Variants in MACROD2 observed in about 807,000 individuals in gnomAD.
The protein encoded by MACROD2 is ADP-ribose glycohydrolase MACROD2.
Under a neutral mutation model 70.4 loss-of-function variants are expected in MACROD2, and 36 were observed. That is an observed-to-expected ratio of 0.51 (90% CI 0.39 to 0.68). The LOEUF is 0.68. Among genes scored for constraint, MACROD2 ranks in the 30% least tolerant of loss-of-function variants. MACROD2 has a pLI of 0.00. For missense variants in MACROD2, 496 were observed against 538.4 expected (o/e 0.92, Z 0.78); for synonymous variants, 172 against 178.8 (o/e 0.96, Z 0.30).
intron 6 of MACROD2, among the ~76,000 whole-genome samples, chr20:15,235,926 G>C (rs549367398): frequency 6.6e-6 from 1 of 152,108 alleles, no homozygotes; most frequent in East Asian, 1.9e-4. Context: ...ATCTAGTCTT[G>C]GTTCTCACCT....
At chr20:16,013,637 C>T (rs938678509) in intron 15 of MACROD2, among the ~76,000 whole-genome samples, 2 of 152,138 alleles carry the variant, frequency 1.3e-5, no homozygotes, top group South Asian at 2.1e-4. Flanking sequence ...TCCATGGCCA[C>T]GTTCTTCCAT....
chr20:14,873,018 A>G (rs1568847351), intron 5 of MACROD2, among the ~76,000 whole-genome samples: 1 of 151,714 alleles, frequency 6.6e-6, no homozygotes, highest in Non-Finnish European at 1.5e-5. Flanking sequence ...CCCAAGATTC[A>G]GTTACCTCAA....
intron 5 of MACROD2, among the ~76,000 whole-genome samples, chr20:14,815,032 A>G (rs2072757884): frequency 6.6e-6 from 1 of 152,098 alleles, no homozygotes; most frequent in South Asian, 2.1e-4. Flanking sequence ...TTTTGCAAAC[A>G]AAAGAGAAGA....
At chr20:14,396,691 T>C (rs13038084) in intron 3 of MACROD2, among the ~76,000 whole-genome samples, 24,583 of 151,886 alleles carry the variant, frequency 0.16, 2,643 homozygotes, top group Non-Finnish European at 0.23. Context: ...TTTGGGAGGC[T>C]GAGGAGGGCG....
intron 8 of MACROD2, among the ~76,000 whole-genome samples, chr20:15,723,241 C>T (rs2050814111): frequency 6.6e-6 from 1 of 152,152 alleles, no homozygotes. Context: ...CAACATCTTT[C>T]GTAACACTGA....
chr20:15,081,877 A>C (rs2123136145), intron 5 of MACROD2, among the ~76,000 whole-genome samples: 1 of 152,278 alleles, frequency 6.6e-6, no homozygotes, highest in South Asian at 2.1e-4. Context: ...CTTGGATAGG[A>C]TCTTTGTTTT....
At chr20:16,023,892 C>G (rs1352974406) in intron 15 of MACROD2, among the ~76,000 whole-genome samples, 1 of 152,274 alleles carries the variant, frequency 6.6e-6, no homozygotes, top group East Asian at 1.9e-4. Flanking sequence ...GACCCCTGGG[C>G]TGTCCTCTAC....
chr20:14,229,168 G>C (rs542201011), intron 3 of MACROD2, among the ~76,000 whole-genome samples: 76 of 152,264 alleles, frequency 5.0e-4, no homozygotes, highest in Admixed American at 4.8e-3. Context: ...TTGCTGATGA[G>C]CTTCTTTTAG....
Position 15,741,092 on chromosome 20 carries a change from C to CTTTT in MACROD2, c.646-121638_646-121635dup, listed in dbSNP as rs397865668. Among the ~76,000 whole-genome samples the CTTTT allele has an allele frequency of 5.9e-4, 73 of 123,992 alleles. 3 individuals are homozygous for CTTTT. Among genetic ancestry groups the CTTTT allele is most frequent in the African/African-American group, 2.0e-3 (63 of 32,130 alleles). The allele number at this position is 123,992 out of a possible 152,430, so 81.3% of individuals were successfully genotyped here. On this transcript the variant is annotated intron_variant, in intron 8 of 17. Coordinates refer to ENST00000684519, the MANE Select transcript of MACROD2 (RefSeq NM_001351661.2). ...TCTACAAAACTCTCAGTTATCATAT[C>CTTTT]TTTTTTTTTTTTTTTTTTGAGGTGG...
In MACROD2 at chr20:14,703,397, T is replaced by A. The variant is rs556316534; in HGVS notation, c.418+18438T>A. 1.2e-4 allele frequency among the ~76,000 whole-genome samples: 19 copies of A among 152,284 alleles called. No individual in the cohort carries two copies. In the South Asian group the frequency reaches 4.0e-3, roughly 32 times the overall value. On this transcript the variant is annotated intron_variant, in intron 5 of 17. Transcript: ENST00000684519. The stretch of plus-strand genomic sequence containing the variant: ...CTATAATTATGAGATAATAATAAAT[T>A]ACACTGCTAACAGATAGCCCAAGTC...
At chr20:14,926,697 A>G (rs73092164) in intron 5 of MACROD2, among the ~76,000 whole-genome samples, 1 of 152,286 alleles carries the variant, frequency 6.6e-6, no homozygotes, top group Non-Finnish European at 1.5e-5. Context: ...GAGCCAACCC[A>G]GAGTGTTGAA....
chr20:15,592,037 T>A (rs574353038), intron 8 of MACROD2, among the ~76,000 whole-genome samples: 1 of 152,310 alleles, frequency 6.6e-6, no homozygotes, highest in South Asian at 2.1e-4. Context: ...TCTTCCACCA[T>A]CTCGGTCAAG....
chr20:15,871,406 C>T (rs2064581670), intron 9 of MACROD2, among the ~76,000 whole-genome samples: 1 of 151,960 alleles, frequency 6.6e-6, no homozygotes, highest in Non-Finnish European at 1.5e-5. Context: ...TTATCTCATC[C>T]ATTATCATTC....
Position 15,319,882 on chromosome 20 carries a change from A to G in MACROD2, c.540+89821A>G, listed in dbSNP as rs1261847584. The stretch of plus-strand genomic sequence containing the variant: ...ATAGGTCCCATATTGTATAATCTCA[A>G]TTATATGAAATATCTAGAATTGGTA... On this transcript the variant is annotated intron_variant, in intron 6 of 17. Coordinates refer to ENST00000684519, the MANE Select transcript of MACROD2 (RefSeq NM_001351661.2). Among the ~76,000 whole-genome samples the G allele has an allele frequency of 2.0e-5, 3 of 152,346 alleles. No homozygotes were observed. The East Asian group carries it at 5.8e-4, about 29-fold the overall frequency.
intron 3 of MACROD2, among the ~76,000 whole-genome samples, chr20:14,256,123 T>C (rs2082054488): frequency 6.6e-6 from 1 of 152,098 alleles, no homozygotes; most frequent in Non-Finnish European, 1.5e-5. Context: ...CTTTTTGCCT[T>C]TTTATGCCTA....
chr20:15,499,709 G>A (rs1487591233), intron 7 of MACROD2, 65 bp from the exon 8 acceptor site: 18 of 1,445,608 alleles, frequency 1.2e-5, no homozygotes, highest in Admixed American at 8.4e-5. Flanking sequence ...GTATCATAGC[G>A]TGATTAGCCT....
chr20:14,338,579 G>A (rs565548452), intron 3 of MACROD2, among the ~76,000 whole-genome samples: 2 of 151,966 alleles, frequency 1.3e-5, no homozygotes, highest in Non-Finnish European at 2.9e-5. Context: ...TATATTTAAC[G>A]ATCCCCCAAT....
At chr20:15,352,718 A>T (rs1238187567) in intron 6 of MACROD2, among the ~76,000 whole-genome samples, 1 of 152,202 alleles carries the variant, frequency 6.6e-6, no homozygotes, top group Non-Finnish European at 1.5e-5. Flanking sequence ...AGAGACAAAC[A>T]GAGAGCCAAA....
At chr20:14,329,169 T>C in intron 3 of MACROD2, 1 of 151,372 alleles carries the variant, frequency 6.6e-6, no homozygotes, top group East Asian at 2.2e-4. Flanking sequence ...TTTTGCTTCT[T>C]GCTGATTTTT....
Sources: allele counts gnomAD v4.1 joint callset (sites outside exome capture counted in the v4.1 genomes callset), GRCh38; gene constraint gnomAD v4.1.1; transcripts MANE v1.5; gene names NCBI Gene and HGNC (gene_info 2026-07-23, HGNC 2026-07-21).